RNF17: variants seen among roughly 807,000 people sequenced by gnomAD.
RNF17 encodes the protein spermatogenesis associated 23.
A neutral mutation model predicts 200.5 loss-of-function variants in RNF17; 31 were observed. The observed-to-expected ratio is 0.15, with a 90% CI of 0.12 to 0.21. The LOEUF (loss-of-function observed/expected upper bound fraction) is 0.21. RNF17 is among the 10% of genes least tolerant of loss of function. The pLI, the probability that RNF17 is intolerant of heterozygous loss-of-function variation, is 1.00. For synonymous variants in RNF17, 606 were observed against 637.8 expected (o/e 0.95, Z 0.75); for missense variants, 1,628 against 1,905.1 (o/e 0.85, Z 2.71).
At chr13:24,767,419 A>G in intron 2 of RNF17, 53 bp downstream of exon 2, 1 of 1,224,302 alleles carries the variant, frequency 8.2e-7, no homozygotes, top group Non-Finnish European at 1.2e-6. Flanking sequence ...TGTTAATGGT[A>G]AAAATACTAC....
chr13:24,868,488 A>C (rs1005475249), intron 30 of RNF17, 112 bp from the exon 31 acceptor site: 12 of 537,550 alleles, frequency 2.2e-5, no homozygotes, highest in Non-Finnish European at 3.3e-5. Context: ...AAAAAAAAAA[A>C]AAAAACTTGC....
chr13:24,870,853 T>C (rs1894176032), intron 32 of RNF17, 114 bp downstream of exon 32: 2 of 697,306 alleles, frequency 2.9e-6, no homozygotes, highest in Non-Finnish European at 4.6e-6. Flanking sequence ...ATATTCACTT[T>C]ACATGCATGA....
downstream of RNF17, among the ~76,000 whole-genome samples, chr13:24,881,314 T>A (rs140969351): frequency 0.012 from 1,795 of 152,160 alleles, 13 homozygotes; most frequent in Non-Finnish European, 0.017. Context: ...CTAACTTTTG[T>A]ATTTTTAGTA....
At chr13:24,795,416 G>A (rs1025062359) in intron 10 of RNF17, among the ~76,000 whole-genome samples, 1 of 147,024 alleles carries the variant, frequency 6.8e-6, no homozygotes, top group African/African-American at 2.5e-5. Context: ...TGTGTGTGGC[G>A]GGGGTGTCTT....
intron 6 of RNF17, among the ~76,000 whole-genome samples, chr13:24,785,776 A>G (rs576807213): frequency 6.6e-6 from 1 of 152,212 alleles, no homozygotes; most frequent in East Asian, 1.9e-4. Flanking sequence ...TGGGGTTCTA[A>G]TATTGGTGCA....
At chr13:24,790,835 A>C (rs1478391207) in intron 9 of RNF17, among the ~76,000 whole-genome samples, 1 of 152,144 alleles carries the variant, frequency 6.6e-6, no homozygotes, top group Non-Finnish European at 1.5e-5. Context: ...AAGAGCAAAA[A>C]AGGGCATAAG....
chr13:24,809,805 G>A (rs1386607287), intron 15 of RNF17, among the ~76,000 whole-genome samples: 1 of 152,032 alleles, frequency 6.6e-6, no homozygotes, highest in Admixed American at 6.6e-5. Flanking sequence ...TCTACACACT[G>A]CTTTGAATGT....
chr13:24,813,346 G>A (rs908736129), intron 15 of RNF17, among the ~76,000 whole-genome samples: 2 of 151,846 alleles, frequency 1.3e-5, no homozygotes, highest in Non-Finnish European at 2.9e-5. Flanking sequence ...TGTAGACACA[G>A]GGTCTTGCTA....
chr13:24,780,532 C>G (rs1882204392), intron 5 of RNF17, among the ~76,000 whole-genome samples: 1 of 152,114 alleles, frequency 6.6e-6, no homozygotes, highest in Admixed American at 6.6e-5. Flanking sequence ...TACATTCACC[C>G]CATCCTGACA....
At chr13:24,749,430 A>C in the RNF17 span, among the ~76,000 whole-genome samples, 1 of 150,962 alleles carries the variant, frequency 6.6e-6, no homozygotes, top group African/African-American at 2.4e-5. Flanking sequence ...CAGCCTCCCA[A>C]GTAGCTGGGA....
chr13:24,748,580 G>A, the RNF17 span, among the ~76,000 whole-genome samples: 1 of 152,132 alleles, frequency 6.6e-6, no homozygotes, highest in Non-Finnish European at 1.5e-5. Context: ...TTTAACCAAC[G>A]AGTAAAATGG....
chr13:24,764,421 T>G (rs1593190350), intron 1 of RNF17, 88 bp downstream of exon 1: 1 of 1,453,244 alleles, frequency 6.9e-7, no homozygotes, highest in African/African-American at 1.4e-5. Flanking sequence ...TGAGGCTTGG[T>G]CAGCTGCATC....
chr13:24,773,541 G>T (rs999018983), intron 2 of RNF17, among the ~76,000 whole-genome samples: 2 of 152,120 alleles, frequency 1.3e-5, no homozygotes, highest in African/African-American at 4.8e-5. Context: ...AGACACTGGG[G>T]ACTGCTAGAG....
At chr13:24,880,619 G>C (rs1253776052), downstream of RNF17, among the ~76,000 whole-genome samples, 7 of 152,030 alleles carry the variant, frequency 4.6e-5, no homozygotes, top group Non-Finnish European at 1.0e-4. Flanking sequence ...TGCTATATCT[G>C]TGTACATAAT....
chr13:24,885,315 G>T, the RNF17 span: 1 of 1,613,544 alleles, frequency 6.2e-7, no homozygotes, highest in African/African-American at 1.3e-5. Flanking sequence ...GTATGTCTTG[G>T]TCTTCCTCCT....
At chr13:24,754,640 C>G in the RNF17 span, among the ~76,000 whole-genome samples, 2 of 152,020 alleles carry the variant, frequency 1.3e-5, no homozygotes, top group Non-Finnish European at 2.9e-5. Flanking sequence ...CCTGTAGTCC[C>G]GCACTTTGGG....
In RNF17 at chr13:24,866,196, G is replaced by A. The variant is rs1893608009; in HGVS notation, c.4154G>A (p.Arg1385Lys). 6.5e-7 allele frequency: 1 copy of A among 1,547,380 alleles called. No individual in the cohort carries two copies. Among genetic ancestry groups the A allele is most frequent in the Non-Finnish European group, 8.9e-7 (1 of 1,123,304 alleles). The change falls in exon 30 of 36, where the codon AGG (arginine) becomes AAG (lysine). Residue 1385 changes from arginine to lysine, a missense_variant. By Grantham distance (26) the Arg-to-Lys change is conservative. This residue lies in a region of RNF17 where 609 missense variants were observed against 681.9 expected (regional missense o/e 0.89). Transcript: ENST00000255324. ...KKYEEEQWEIRFEELLSAETD... is the reference protein window; with the variant it reads ...KKYEEEQWEIKFEELLSAETD... ...TATGAAGAGGAACAATGGGAAATAAGGTTTGAGGTAAGTAACAATCCAAGT... is the reference window on the plus strand; with the variant it reads ...TATGAAGAGGAACAATGGGAAATAAAGTTTGAGGTAAGTAACAATCCAAGT...
chr13:24,859,668 G>GCTTGCC (rs1892891851), intron 26 of RNF17, among the ~76,000 whole-genome samples: 2 of 151,816 alleles, frequency 1.3e-5, no homozygotes, highest in Non-Finnish European at 2.9e-5. Flanking sequence ...ACTAAGTAAA[G>GCTTGCC]GAATGAAATT....
chr13:24,764,462 A>T, intron 1 of RNF17, 129 bp downstream of exon 1: 1 of 1,316,004 alleles, frequency 7.6e-7, no homozygotes, highest in Non-Finnish European at 1.0e-6. Flanking sequence ...ACTGCGTCAC[A>T]GGCCTCCCGC....
Sources: allele counts gnomAD v4.1 joint callset (sites outside exome capture counted in the v4.1 genomes callset), GRCh38; gene constraint gnomAD v4.1.1; regional missense constraint gnomAD v4.1.1; transcripts MANE v1.5; gene names NCBI Gene and HGNC (gene_info 2026-07-23, HGNC 2026-07-21).